The following INPP5D variants were observed in gnomAD, a reference collection of about 807,000 sequenced individuals.
The protein encoded by INPP5D is phosphatidylinositol 3,4,5-trisphosphate 5-phosphatase 1.
INPP5D carries 33 observed loss-of-function variants against 122.9 expected under a neutral mutation model. The observed-to-expected ratio is 0.27, with a 90% CI of 0.20 to 0.36. The LOEUF is 0.36. Ranked by LOEUF, INPP5D falls within the 10% of genes least tolerant of loss-of-function variation. The pLI, the probability that INPP5D is intolerant of heterozygous loss-of-function variation, is 1.00. For missense variants in INPP5D, 1,053 were observed against 1,412.7 expected, an observed-to-expected ratio of 0.75 and a Z score of 4.08; for synonymous variants, 584 against 576.2, an observed-to-expected ratio of 1.01 and a Z score of -0.19.
chr2:233,082,735 C>T lies in INPP5D; in HGVS notation c.198+3337C>T, dbSNP rs1186396474. The stretch of plus-strand genomic sequence containing the variant: ...TTTCTCTCACTCCATCTTTCACAGA[C>T]TTAAAAAAAATCCGAGATGGGAGGG... On this transcript the variant is annotated intron_variant, in intron 2 of 26. Coordinates refer to ENST00000445964, the MANE Select transcript of INPP5D (RefSeq NM_001017915.3). This position sits in a 1 kb window ranked among gnomAD's most constrained non-coding sequence, Gnocchi z 4.7. Among the ~76,000 whole-genome samples the T allele has an allele frequency of 1.3e-5, 2 of 152,112 alleles. No individual in the cohort carries two copies. Among genetic ancestry groups the T allele is most frequent in the Non-Finnish European group, 1.5e-5 (1 of 68,018 alleles).
intron 25 of INPP5D, among the ~76,000 whole-genome samples, chr2:233,200,820 G>A (rs1485963263): frequency 3.9e-5 from 6 of 152,004 alleles, no homozygotes; most frequent in South Asian, 2.1e-4. Flanking sequence ...TCAGCCAGGC[G>A]TAGTGGCCCA....
At chr2:233,146,131 C>A in intron 6 of INPP5D, 31 bp from the exon 7 acceptor site, 1 of 704,130 alleles carries the variant, frequency 1.4e-6, no homozygotes, top group Non-Finnish European at 2.6e-6. Context: ...TTCAGTGATG[C>A]TGCCCTGATC....
At chr2:233,171,372 C>A in intron 17 of INPP5D, 1 of 550,736 alleles carries the variant, frequency 1.8e-6, no homozygotes, top group South Asian at 3.3e-5. Context: ...TACCTTCTGT[C>A]CAGATACTCT....
At chr2:233,091,784 C>G (rs550849334) in intron 2 of INPP5D, among the ~76,000 whole-genome samples, 8 of 152,122 alleles carry the variant, frequency 5.3e-5, no homozygotes, top group Admixed American at 2.0e-4. Flanking sequence ...TTTTTTCTAC[C>G]GCAGCAACTA....
Position 233,125,879 on chromosome 2 carries a change from G to A in INPP5D, c.484G>A (p.Glu162Lys), listed in dbSNP as rs771155830. The A allele has an allele frequency of 6.8e-6, 11 of 1,613,768 alleles. No homozygotes were observed. Among genetic ancestry groups the A allele is most frequent in the South Asian group, 5.5e-5 (5 of 91,056 alleles). The part of the protein sequence containing the change: ...ATETSRPSLS[E>K]TLFQRLQSMD... ...CGAGACCAGCCGGCCGAGCCTCTCC[G>A]AGACATTGTTCCAGCGACTGCAAAG... Residue 162 changes from glutamate to lysine, a missense_variant, in exon 4 of 27, where the codon GAG becomes AAG. Coordinates refer to ENST00000445964, the MANE Select transcript of INPP5D (RefSeq NM_001017915.3).
At chr2:233,065,951 TA>T (rs1202865304) in intron 1 of INPP5D, among the ~76,000 whole-genome samples, 2 of 150,516 alleles carry the variant, frequency 1.3e-5, no homozygotes, top group African/African-American at 2.5e-5. Context: ...GGCCTTTTTT[TA>T]AAATTATTAT....
chr2:233,107,512 G>A (rs1692499883), intron 2 of INPP5D, among the ~76,000 whole-genome samples: 2 of 152,228 alleles, frequency 1.3e-5, no homozygotes. Context: ...GGGTGATTTA[G>A]AAGGGAGTGC....
At chr2:233,138,074 G>A (rs62192871) in intron 5 of INPP5D, among the ~76,000 whole-genome samples, 54,056 of 130,398 alleles carry the variant, frequency 0.41, 11,230 homozygotes, top group Non-Finnish European at 0.5. Context: ...AAAGTAGGCC[G>A]GGCCTGGTGG....
intron 2 of INPP5D, among the ~76,000 whole-genome samples, chr2:233,112,657 A>G (rs1574735892): frequency 6.6e-6 from 1 of 152,020 alleles, no homozygotes; most frequent in East Asian, 1.9e-4. Context: ...TCATTCATGC[A>G]CCTGTATTTA....
At chr2:233,101,815 A>AT (rs11442850) in intron 2 of INPP5D, among the ~76,000 whole-genome samples, 70,793 of 148,816 alleles carry the variant, frequency 0.48, 20,668 homozygotes, top group African/African-American at 0.84. Flanking sequence ...TTATAAGTTA[A>AT]TCAGTTTTAC....
At chr2:233,126,414 G>T (rs372954229) in intron 4 of INPP5D, among the ~76,000 whole-genome samples, 1 of 152,112 alleles carries the variant, frequency 6.6e-6, no homozygotes, top group Non-Finnish European at 1.5e-5. Flanking sequence ...AGTAGATGCC[G>T]ATGGGACACA....
In INPP5D at chr2:233,164,225, G is replaced by C; in HGVS notation, c.1438-82G>C. On this transcript the variant is annotated intron_variant, in intron 12 of 26. Transcript: ENST00000445964. This position sits in a 1 kb window ranked among gnomAD's most constrained non-coding sequence, Gnocchi z 4.3. Reference sequence around the variant, plus strand: ...AGGATACCCCATACCCAGGGGCTGCGGCTGGGGCTGGGTGTGAATCACTGT... The same window carrying C: ...AGGATACCCCATACCCAGGGGCTGCCGCTGGGGCTGGGTGTGAATCACTGT... The C allele has an allele frequency of 6.8e-7, 1 of 1,475,424 alleles. No homozygotes were observed. The highest frequency in any genetic ancestry group is 9.0e-7 in the Non-Finnish European group (1 of 1,108,574). The allele number at this position is 1,475,424 out of a possible 1,614,324, so 91.4% of individuals were successfully genotyped here.
At chr2:233,095,545 C>A (rs758554574) in intron 2 of INPP5D, among the ~76,000 whole-genome samples, 1 of 148,532 alleles carries the variant, frequency 6.7e-6, no homozygotes, top group African/African-American at 2.5e-5. Context: ...ATCGCCTGAA[C>A]CTGGGAGGCA....
intron 2 of INPP5D, among the ~76,000 whole-genome samples, chr2:233,119,751 T>A (rs1275299564): frequency 1.3e-5 from 2 of 152,154 alleles, no homozygotes; most frequent in African/African-American, 4.8e-5. Flanking sequence ...AAGAGGCGTA[T>A]GTGTCCTCAC....
At chr2:233,070,113 C>A (rs1460969095) in intron 1 of INPP5D, among the ~76,000 whole-genome samples, 1 of 152,192 alleles carries the variant, frequency 6.6e-6, no homozygotes, top group East Asian at 1.9e-4. Flanking sequence ...CTCATAATCC[C>A]TCTTTCGTGA....
At chr2:233,145,646 G>A (rs1053754572) in intron 6 of INPP5D, among the ~76,000 whole-genome samples, 3 of 152,112 alleles carry the variant, frequency 2.0e-5, no homozygotes, top group African/African-American at 4.8e-5. Context: ...GGAAGCTCAA[G>A]GCAGATATGA....
intron 2 of INPP5D, among the ~76,000 whole-genome samples, chr2:233,092,697 G>T (rs1010766868): frequency 1.3e-5 from 2 of 152,208 alleles, no homozygotes; most frequent in African/African-American, 4.8e-5. Context: ...GAAGGAAACG[G>T]CAATTTCAAA....
At position 233,142,175 on chromosome 2, in the gene INPP5D, G is replaced by A. The variant is rs893576354; in HGVS notation, c.753+2246G>A. 4.1e-3 allele frequency among the ~76,000 whole-genome samples: 631 copies of A among 152,304 alleles called. 4 individuals are homozygous for A. The highest frequency in any genetic ancestry group is 0.015 in the African/African-American group (607 of 41,560). On this transcript the variant is annotated intron_variant, in intron 6 of 26. Coordinates refer to ENST00000445964, the MANE Select transcript of INPP5D (RefSeq NM_001017915.3). ...AGGCCAGTCTCTGCATTTGGTGGCA[G>A]GACAGAGCAGCCACCCAGTGGAGGG...
At chr2:233,136,133 C>T (rs1693458130) in intron 5 of INPP5D, among the ~76,000 whole-genome samples, 1 of 152,182 alleles carries the variant, frequency 6.6e-6, no homozygotes, top group African/African-American at 2.4e-5. Flanking sequence ...GCAGCCAAAG[C>T]ACCACTTAGA....
Sources: allele counts gnomAD v4.1 joint callset (sites outside exome capture counted in the v4.1 genomes callset), GRCh38; gene constraint gnomAD v4.1.1; non-coding constraint Gnocchi (gnomAD v3.1); transcripts MANE v1.5; gene names NCBI Gene and HGNC (gene_info 2026-07-23, HGNC 2026-07-21).